The following LYG2 variants were observed in gnomAD, a reference collection of about 807,000 sequenced individuals.
LYG2 encodes the protein lysozyme g2.
LYG2 carries 25 observed loss-of-function variants against 22.4 expected under a neutral mutation model. The observed-to-expected ratio is 1.12, with a 90% CI of 0.81 to 1.56. The LOEUF (loss-of-function observed/expected upper bound fraction) is 1.56. Among genes scored for constraint, LYG2 ranks in the 40% most tolerant of loss-of-function variants. The probability of loss-of-function intolerance (pLI) is 0.00; values close to 1 mark genes in which losing one functional copy is unlikely to be tolerated. For missense variants in LYG2, 266 were observed against 269.5 expected (o/e 0.99, Z 0.09); for synonymous variants, 88 against 97.0 (o/e 0.91, Z 0.55).
chr2:99,249,736 G>A (rs2105273137), intron 3 of LYG2, among the ~76,000 whole-genome samples: 1 of 141,980 alleles, frequency 7.0e-6, no homozygotes, highest in East Asian at 2.1e-4. Flanking sequence ...ACTCCAGCCT[G>A]GGCAAAAAGA....
upstream of LYG2, among the ~76,000 whole-genome samples, chr2:99,259,186 A>C (rs2094042515): frequency 7.1e-6 from 1 of 141,634 alleles, no homozygotes; most frequent in Non-Finnish European, 1.5e-5. Flanking sequence ...CAGGAATTTT[A>C]TTTCTAGTTA....
chr2:99,253,520 A>G (rs1466275500), intron 3 of LYG2, among the ~76,000 whole-genome samples: 1 of 152,166 alleles, frequency 6.6e-6, no homozygotes, highest in Non-Finnish European at 1.5e-5. Context: ...CATTGCTCAT[A>G]ATGGCTTTTC....
chr2:99,255,050 CCT>C lies in LYG2; in HGVS notation c.-58_-57del, dbSNP rs542517089. ...TTGCAACCTTACAGAGAAAATCTCC[CCT>C]CTCTGTTTGCAAAGGTCTTCTGTAC... On this transcript the variant is annotated 5_prime_UTR_variant, in exon 2 of 7. Coordinates refer to ENST00000333017, the MANE Select transcript of LYG2 (RefSeq NM_175735.4). The C allele has an allele frequency of 2.6e-5, 4 of 152,212 alleles. No homozygotes were observed. The highest frequency in any genetic ancestry group is 1.9e-4 in the East Asian group (1 of 5,198). 9.4% of individuals were successfully genotyped at this position (152,212 alleles called of 1,614,324 possible).
intron 5 of LYG2, 30 bp from the exon 6 acceptor site, chr2:99,244,167 C>G: frequency 6.2e-7 from 1 of 1,605,968 alleles, no homozygotes; most frequent in East Asian, 2.2e-5. Context: ...AAGTCAGCAT[C>G]TGGATGAGGT....
intron 3 of LYG2, among the ~76,000 whole-genome samples, chr2:99,252,768 C>G (rs924617177): frequency 6.6e-6 from 1 of 151,614 alleles, no homozygotes; most frequent in Non-Finnish European, 1.5e-5. Flanking sequence ...ATCACTGGGC[C>G]GGGCGTGGTG....
intron 3 of LYG2, among the ~76,000 whole-genome samples, chr2:99,250,097 A>C (rs2094023393): frequency 6.6e-6 from 1 of 151,666 alleles, no homozygotes; most frequent in Non-Finnish European, 1.5e-5. Context: ...TCCTCCAGCC[A>C]CATTCTTCTT....
intron 3 of LYG2, among the ~76,000 whole-genome samples, chr2:99,250,020 A>G (rs1418104507): frequency 6.6e-6 from 1 of 152,016 alleles, no homozygotes; most frequent in Admixed American, 6.6e-5. Context: ...TCCATCCTGC[A>G]GCCTCCAAGA....
chr2:99,246,679 C>G lies in LYG2; in HGVS notation c.184+1G>C. On this transcript the variant is annotated splice_donor_variant, in intron 4 of 6. Transcript: ENST00000333017. LOFTEE classifies it high-confidence loss of function. ...AGTCATTTGCTCTGCTTTTCACTTACCGCAGTTCATCACACTGTTTGCATC... is the reference window on the plus strand; with the variant it reads ...AGTCATTTGCTCTGCTTTTCACTTAGCGCAGTTCATCACACTGTTTGCATC... 6.2e-7 allele frequency: 1 copy of G among 1,611,108 alleles called. No individual in the cohort carries two copies. The highest frequency in any genetic ancestry group is 8.5e-7 in the Non-Finnish European group (1 of 1,179,320).
the LYG2 span, among the ~76,000 whole-genome samples, chr2:99,260,977 C>A: frequency 1.3e-5 from 2 of 152,032 alleles, no homozygotes; most frequent in East Asian, 3.9e-4. Flanking sequence ...AAAAGCTACC[C>A]GGTAGAATTG....
chr2:99,243,834 CA>C, intron 6 of LYG2, 164 bp downstream of exon 6: 1 of 724,522 alleles, frequency 1.4e-6, no homozygotes, highest in Non-Finnish European at 2.3e-6. Context: ...GAGGACCTCT[CA>C]AAGTAACTCA....
intron 6 of LYG2, chr2:99,243,340 A>G: frequency 8.6e-7 from 1 of 1,165,096 alleles, no homozygotes; most frequent in Non-Finnish European, 1.2e-6. Flanking sequence ...GCTGAACTTG[A>G]GGGGGCCTGT....
At chr2:99,250,020 A>T (rs1418104507) in intron 3 of LYG2, among the ~76,000 whole-genome samples, 1 of 152,016 alleles carries the variant, frequency 6.6e-6, no homozygotes, top group Non-Finnish European at 1.5e-5. Context: ...TCCATCCTGC[A>T]GCCTCCAAGA....
intron 3 of LYG2, among the ~76,000 whole-genome samples, chr2:99,247,540 AT>A (rs2105271901): frequency 6.6e-6 from 1 of 152,054 alleles, no homozygotes; most frequent in Admixed American, 6.6e-5. Context: ...CTTCACCCAA[AT>A]AGTGAACACA....
intron 3 of LYG2, among the ~76,000 whole-genome samples, chr2:99,249,761 CAA>C (rs70940156): frequency 0.043 from 2,831 of 65,408 alleles, 59 homozygotes; most frequent in African/African-American, 0.12. Context: ...AACTCTGTCT[CAA>C]AAAAAAAAAA....
chr2:99,258,786 G>A (rs2094041396), upstream of LYG2, among the ~76,000 whole-genome samples: 1 of 152,218 alleles, frequency 6.6e-6, no homozygotes, highest in African/African-American at 2.4e-5. Flanking sequence ...ACTGCTGTGT[G>A]CTTTTCTTGT....
In LYG2 at chr2:99,242,437, G is replaced by T. The variant is rs1432511777; in HGVS notation, c.566C>A (p.Pro189Gln). ...FKSGIEAIAT[P>Q]SDIDNDFVND... ...GACGAAGTCATTGTCTATGTCCGAT[G>T]GGGTGGCAATCGCTTCAATTCCTGA... is the stretch of plus-strand genomic sequence containing the variant. Residue 189 changes from proline (P) to glutamine (Q), a missense_variant, in exon 7 of 7, where the codon CCA (proline) becomes CAA (glutamine). By Grantham distance (76) the Pro-to-Gln change is moderately conservative. Transcript: ENST00000333017. The T allele has an allele frequency of 1.2e-6, 2 of 1,613,210 alleles. No homozygotes were observed. The highest frequency in any genetic ancestry group is 8.5e-7 in the Non-Finnish European group (1 of 1,179,538).
chr2:99,257,227 T>C (rs187723396), upstream of LYG2, among the ~76,000 whole-genome samples: 1 of 152,390 alleles, frequency 6.6e-6, no homozygotes, highest in South Asian at 2.1e-4. Context: ...TTGTAATTTC[T>C]AAAATGCAAA....
chr2:99,246,072 C>T (rs2094015622), intron 4 of LYG2, among the ~76,000 whole-genome samples: 1 of 152,170 alleles, frequency 6.6e-6, no homozygotes, highest in African/African-American at 2.4e-5. Flanking sequence ...CATGCCATCG[C>T]ACTCCAGCCT....
At chr2:99,254,080 T>A (rs2094031690) in intron 3 of LYG2, 138 bp downstream of exon 3, 1 of 762,890 alleles carries the variant, frequency 1.3e-6, no homozygotes. Context: ...GAAATAATAG[T>A]TGATTAATGG....
Sources: allele counts gnomAD v4.1 joint callset (sites outside exome capture counted in the v4.1 genomes callset), GRCh38; gene constraint gnomAD v4.1.1; transcripts MANE v1.5; gene names NCBI Gene and HGNC (gene_info 2026-07-23, HGNC 2026-07-21).